Variants in VAT1L observed in about 807,000 individuals in gnomAD.
VAT1L encodes the protein putative NADPH-dependent quinone oxidoreductase VAT1L.
In VAT1L, 34 loss-of-function variants were observed where a neutral mutation model predicts 44.1. The observed-to-expected ratio is 0.77, with a 90% CI of 0.59 to 1.03. VAT1L has a LOEUF of 1.03. VAT1L is among the 50% of genes least tolerant of loss of function. The probability of loss-of-function intolerance (pLI) is 0.00; values close to 1 mark genes in which losing one functional copy is unlikely to be tolerated. For synonymous variants in VAT1L, 253 were observed against 202.2 expected, an observed-to-expected ratio of 1.25 and a Z score of -2.13; for missense variants, 615 against 538.8, an observed-to-expected ratio of 1.14 and a Z score of -1.40.
intron 3 of VAT1L, among the ~76,000 whole-genome samples, chr16:77,856,613 A>T (rs1237062844): frequency 6.6e-6 from 1 of 152,196 alleles, no homozygotes; most frequent in Non-Finnish European, 1.5e-5. Flanking sequence ...TCAGGGACCT[A>T]AATCAGCTCC....
At chr16:77,941,590 C>T (rs997051544) in intron 7 of VAT1L, among the ~76,000 whole-genome samples, 5 of 152,082 alleles carry the variant, frequency 3.3e-5, no homozygotes, top group African/African-American at 7.2e-5. Flanking sequence ...TGAGAAATTG[C>T]CACACTGCCT....
chr16:77,939,122 G>A (rs1056365439), intron 7 of VAT1L, among the ~76,000 whole-genome samples: 1 of 152,146 alleles, frequency 6.6e-6, no homozygotes, highest in Non-Finnish European at 1.5e-5. Context: ...CACAGTGCAC[G>A]GAAGTAACCT....
chr16:77,971,229 C>T (rs186518188), intron 7 of VAT1L, among the ~76,000 whole-genome samples: 3 of 152,142 alleles, frequency 2.0e-5, no homozygotes, highest in Non-Finnish European at 2.9e-5. Context: ...ACAAACTTAC[C>T]GTTTCAGAGG....
chr16:77,937,582 T>C (rs1440497346), intron 7 of VAT1L, among the ~76,000 whole-genome samples: 1 of 152,252 alleles, frequency 6.6e-6, no homozygotes, highest in African/African-American at 2.4e-5. Context: ...GATTTCCTTG[T>C]AATGCTTGAG....
intron 4 of VAT1L, among the ~76,000 whole-genome samples, chr16:77,867,239 C>T (rs531385973): frequency 5.3e-5 from 8 of 152,134 alleles, no homozygotes; most frequent in African/African-American, 9.6e-5. Flanking sequence ...AACTTTTGGG[C>T]GTGAAGCATA....
At chr16:77,792,264 T>A (rs767751333) in intron 1 of VAT1L, among the ~76,000 whole-genome samples, 5 of 152,168 alleles carry the variant, frequency 3.3e-5, no homozygotes, top group Non-Finnish European at 7.3e-5. Context: ...ATTTTAATCA[T>A]GTATATAATA....
intron 1 of VAT1L, among the ~76,000 whole-genome samples, chr16:77,793,839 G>A (rs938499170): frequency 6.6e-6 from 1 of 152,162 alleles, no homozygotes; most frequent in African/African-American, 2.4e-5. Flanking sequence ...ATGTCACGAG[G>A]GTATAGTAAA....
chr16:77,871,461 C>A (rs545430384), intron 4 of VAT1L, among the ~76,000 whole-genome samples: 38 of 152,140 alleles, frequency 2.5e-4, no homozygotes, highest in Non-Finnish European at 4.6e-4. Context: ...CTGCTAGGTA[C>A]CTGCATGGCA....
chr16:77,968,911 C>T (rs546169588), intron 7 of VAT1L, among the ~76,000 whole-genome samples: 6 of 152,172 alleles, frequency 3.9e-5, no homozygotes, highest in South Asian at 2.1e-4. Context: ...CTCCACCTCC[C>T]GGGTTCAAGC....
chr16:77,831,300 TAAG>T (rs1368193640), intron 3 of VAT1L, among the ~76,000 whole-genome samples: 1 of 152,008 alleles, frequency 6.6e-6, no homozygotes, highest in African/African-American at 2.4e-5. Flanking sequence ...CTATAAATGG[TAAG>T]AAGAGAGGAG....
At chr16:77,862,430 C>T (rs1210453822) in intron 3 of VAT1L, among the ~76,000 whole-genome samples, 3 of 151,966 alleles carry the variant, frequency 2.0e-5, no homozygotes, top group Non-Finnish European at 4.4e-5. Flanking sequence ...GCCTGGGCAA[C>T]ACGGTGAAAC....
intron 1 of VAT1L, among the ~76,000 whole-genome samples, chr16:77,809,964 A>C (rs113907881): frequency 7.9e-5 from 12 of 152,290 alleles, no homozygotes; most frequent in African/African-American, 2.6e-4. Flanking sequence ...CCACATTTTC[A>C]CAGGCTACAA....
At chr16:77,938,495 G>A (rs1201491638) in intron 7 of VAT1L, among the ~76,000 whole-genome samples, 2 of 152,172 alleles carry the variant, frequency 1.3e-5, no homozygotes, top group East Asian at 1.9e-4. Context: ...ACTGGATCAT[G>A]GGGATTAGCA....
chr16:77,901,654 G>C (rs1295326460), intron 7 of VAT1L, among the ~76,000 whole-genome samples: 1 of 152,046 alleles, frequency 6.6e-6, no homozygotes, highest in Non-Finnish European at 1.5e-5. Flanking sequence ...CAGGCCATCA[G>C]CACTTCCTTC....
intron 7 of VAT1L, among the ~76,000 whole-genome samples, chr16:77,898,917 A>G (rs1012772753): frequency 6.6e-6 from 1 of 152,190 alleles, no homozygotes; most frequent in Non-Finnish European, 1.5e-5. Context: ...CTAGTCTCTG[A>G]TTACTAAACT....
Position 77,943,509 on chromosome 16 carries a change from C to G in VAT1L, c.1078-28341C>G, listed in dbSNP as rs534143424. ...CCACCTCCCGGGTTCACGCCATTCT[C>G]CTGCCTAAGCCTCCCTAGTAGCTGG... is the stretch of plus-strand genomic sequence containing the variant. On this transcript the variant is annotated intron_variant, in intron 7 of 8. Transcript: ENST00000302536. Among the ~76,000 whole-genome samples, 380 of 151,572 alleles carry G rather than the reference C, an allele frequency of 2.5e-3. 3 individuals are homozygous for G. Among genetic ancestry groups the G allele is most frequent in the African/African-American group, 8.5e-3 (353 of 41,302 alleles).
chr16:77,797,838 G>C (rs1206225677), intron 1 of VAT1L, among the ~76,000 whole-genome samples: 1 of 152,174 alleles, frequency 6.6e-6, no homozygotes, highest in Non-Finnish European at 1.5e-5. Flanking sequence ...ACTCTTCACA[G>C]GAAAGGGTGG....
intron 4 of VAT1L, among the ~76,000 whole-genome samples, chr16:77,872,769 T>C (rs1007426708): frequency 6.6e-6 from 1 of 152,264 alleles, no homozygotes; most frequent in African/African-American, 2.4e-5. Flanking sequence ...CATTTATAGA[T>C]GTCTGTCCTT....
intron 2 of VAT1L, 43 bp downstream of exon 2, chr16:77,817,093 T>A (rs746997525): frequency 4.4e-6 from 7 of 1,592,844 alleles, no homozygotes; most frequent in Middle Eastern, 3.4e-4. Context: ...TCATTTGGAA[T>A]CCATTGAGAC....
Sources: allele counts gnomAD v4.1 joint callset (sites outside exome capture counted in the v4.1 genomes callset), GRCh38; gene constraint gnomAD v4.1.1; transcripts MANE v1.5; gene names NCBI Gene and HGNC (gene_info 2026-07-23, HGNC 2026-07-21).